The following IL1RAPL2 variants were observed in gnomAD, a reference collection of about 807,000 sequenced individuals.
The protein encoded by IL1RAPL2 is X-linked interleukin-1 receptor accessory protein-like 2.
In IL1RAPL2, 3 loss-of-function variants were observed where a neutral mutation model predicts 44.1. The observed-to-expected ratio is 0.07, with a 90% CI of 0.03 to 0.18. The LOEUF (loss-of-function observed/expected upper bound fraction) is 0.18, where lower values mean the gene tolerates loss of function less well. Among genes scored for constraint, IL1RAPL2 ranks in the 10% least tolerant of loss-of-function variants. The probability of loss-of-function intolerance (pLI) is 1.00; values close to 1 mark genes in which losing one functional copy is unlikely to be tolerated. For missense variants in IL1RAPL2, 391 were observed against 496.4 expected, an observed-to-expected ratio of 0.79 and a Z score of 2.02; for synonymous variants, 181 against 178.8, an observed-to-expected ratio of 1.01 and a Z score of -0.10.
At position 105,077,857 on chromosome X, in the gene IL1RAPL2, C is replaced by T. The variant is rs982198075; in HGVS notation, c.83-117618C>T. On this transcript the variant is annotated intron_variant, in intron 2 of 10. Transcript: ENST00000372582. ...CAGTTACTGAGGCTTGTGCATTCAT[C>T]GTGTAGTTCTCGTGCCATGGTTTTC... is the stretch of plus-strand genomic sequence containing the variant. Among the ~76,000 whole-genome samples the T allele has an allele frequency of 2.4e-4, 27 of 111,981 alleles. 1 individual carries two copies. The highest frequency in any genetic ancestry group is 8.4e-4 in the African/African-American group (26 of 30,815).
chrX:104,844,443 A>C (rs1921991213), intron 2 of IL1RAPL2, among the ~76,000 whole-genome samples: 1 of 111,594 alleles, frequency 9.0e-6, no homozygotes, highest in South Asian at 3.8e-4. Flanking sequence ...CAGAGCCTTT[A>C]ATATACTGAT....
intron 2 of IL1RAPL2, among the ~76,000 whole-genome samples, chrX:104,875,045 A>T (rs1156250454): frequency 9.0e-6 from 1 of 111,725 alleles, no homozygotes; most frequent in East Asian, 2.8e-4. Context: ...TATTATTCTG[A>T]GATCTTCCTC....
intron 4 of IL1RAPL2, among the ~76,000 whole-genome samples, chrX:105,242,795 A>G (rs782241506): frequency 3.6e-5 from 4 of 111,738 alleles, no homozygotes; most frequent in African/African-American, 1.3e-4. Flanking sequence ...AACCAAAAGT[A>G]TGATTTATTA....
Position 104,858,072 on chromosome X carries a change from T to G in IL1RAPL2, c.82+199077T>G, listed in dbSNP as rs1207506721. Among the ~76,000 whole-genome samples the G allele has an allele frequency of 2.7e-5, 3 of 110,910 alleles. No homozygotes were observed. In the East Asian group the frequency reaches 8.4e-4, roughly 31 times the overall value. On this transcript the variant is annotated intron_variant, in intron 2 of 10. Transcript: ENST00000372582. Reference sequence around the variant, plus strand: ...GTCCTAAGACTGAAAGAGGAGAATCTAGATTTTAATACAGTTAATAATAAT... The same window carrying G: ...GTCCTAAGACTGAAAGAGGAGAATCGAGATTTTAATACAGTTAATAATAAT...
intron 6 of IL1RAPL2, among the ~76,000 whole-genome samples, chrX:105,712,996 C>T (rs751519363): frequency 1.8e-4 from 20 of 112,264 alleles, no homozygotes; most frequent in Non-Finnish European, 2.4e-4. Flanking sequence ...CCTTTGACTC[C>T]ATGTCTCACA....
chrX:104,738,090 C>T (rs954041723), intron 2 of IL1RAPL2, among the ~76,000 whole-genome samples: 4 of 112,155 alleles, frequency 3.6e-5, no homozygotes, highest in Non-Finnish European at 5.6e-5. Context: ...GAAACTCACA[C>T]ATATATTTAT....
chrX:104,733,345 A>G (rs1931956606), intron 2 of IL1RAPL2, among the ~76,000 whole-genome samples: 1 of 111,115 alleles, frequency 9.0e-6, no homozygotes, highest in Non-Finnish European at 1.9e-5. Flanking sequence ...TAATCCCAGC[A>G]CTTTGCGAGG....
chrX:105,111,599 C>A (rs1602959353), intron 2 of IL1RAPL2, among the ~76,000 whole-genome samples: 1 of 112,029 alleles, frequency 8.9e-6, no homozygotes, highest in Middle Eastern at 4.6e-3. Flanking sequence ...GCAATGACAA[C>A]AATTCCTCCA....
chrX:105,043,107 T>A (rs185913945), intron 2 of IL1RAPL2, among the ~76,000 whole-genome samples: 1,429 of 98,788 alleles, frequency 0.014, 40 homozygotes, highest in African/African-American at 0.051. Flanking sequence ...AGGGAGAGCA[T>A]TGGGAGATAT....
chrX:104,908,975 G>T (rs1404665675), intron 2 of IL1RAPL2, among the ~76,000 whole-genome samples: 2 of 110,477 alleles, frequency 1.8e-5, no homozygotes, highest in Non-Finnish European at 3.8e-5. Flanking sequence ...TCACTTTCAG[G>T]TACACCAATC....
intron 2 of IL1RAPL2, among the ~76,000 whole-genome samples, chrX:105,125,814 T>A (rs1465250113): frequency 9.1e-6 from 1 of 110,089 alleles, no homozygotes; most frequent in African/African-American, 3.3e-5. Context: ...ACTATGGAAA[T>A]CGAGTAGAGT....
At chrX:105,369,942 C>T (rs767002650) in intron 5 of IL1RAPL2, among the ~76,000 whole-genome samples, 5 of 111,808 alleles carry the variant, frequency 4.5e-5, no homozygotes, top group Non-Finnish European at 9.4e-5. Flanking sequence ...TATATCTATT[C>T]TGTTTTAAAA....
chrX:105,285,051 C>T (rs755300775), intron 5 of IL1RAPL2, among the ~76,000 whole-genome samples: 98 of 112,037 alleles, frequency 8.7e-4, no homozygotes, highest in Non-Finnish European at 1.6e-3. Context: ...AAGCTGAATG[C>T]CCTAACAGCT....
At chrX:104,928,521 G>T (rs1045978311) in intron 2 of IL1RAPL2, among the ~76,000 whole-genome samples, 1 of 111,316 alleles carries the variant, frequency 9.0e-6, no homozygotes, top group African/African-American at 3.3e-5. Context: ...AGGCTGTGCC[G>T]CACTTACGGA....
intron 2 of IL1RAPL2, among the ~76,000 whole-genome samples, chrX:105,014,023 A>G (rs2031117896): frequency 8.9e-6 from 1 of 112,115 alleles, no homozygotes; most frequent in Admixed American, 9.4e-5. Flanking sequence ...ACTTGAACTG[A>G]AGTACCTGGA....
intron 5 of IL1RAPL2, among the ~76,000 whole-genome samples, chrX:105,415,282 G>A (rs1244988651): frequency 8.9e-6 from 1 of 112,007 alleles, no homozygotes; most frequent in Non-Finnish European, 1.9e-5. Flanking sequence ...TGGGAATGGA[G>A]TGTGGTGGAG....
At chrX:105,208,772 C>A in intron 3 of IL1RAPL2, among the ~76,000 whole-genome samples, 1 of 111,981 alleles carries the variant, frequency 8.9e-6, no homozygotes, top group Middle Eastern at 4.6e-3. Context: ...CTGATCCCAT[C>A]AGTGCCTTCC....
At chrX:104,688,255 C>T (rs893745612) in intron 2 of IL1RAPL2, among the ~76,000 whole-genome samples, 3 of 111,940 alleles carry the variant, frequency 2.7e-5, no homozygotes, top group African/African-American at 9.7e-5. Flanking sequence ...CACTAACCAC[C>T]CCCAAAATTA....
intron 2 of IL1RAPL2, among the ~76,000 whole-genome samples, chrX:104,950,335 C>T (rs1925535495): frequency 8.9e-6 from 1 of 112,371 alleles, no homozygotes; most frequent in Non-Finnish European, 1.9e-5. Flanking sequence ...CTCAGATCTC[C>T]AGCTGCGTGC....
Sources: allele counts gnomAD v4.1 joint callset (sites outside exome capture counted in the v4.1 genomes callset), GRCh38; gene constraint gnomAD v4.1.1; transcripts MANE v1.5; gene names NCBI Gene and HGNC (gene_info 2026-07-23, HGNC 2026-07-21).